The following SLC7A6 variants were observed in gnomAD, a reference collection of about 807,000 sequenced individuals.
The protein encoded by SLC7A6 is Y+L amino acid transporter 2.
SLC7A6 carries 29 observed loss-of-function variants against 46.6 expected under a neutral mutation model. The observed-to-expected ratio is 0.62, with a 90% CI of 0.46 to 0.85. The LOEUF (loss-of-function observed/expected upper bound fraction) is 0.85, where lower values mean the gene tolerates loss of function less well. SLC7A6 is among the 40% of genes least tolerant of loss of function. The probability of loss-of-function intolerance (pLI) is 0.00; values close to 1 mark genes in which losing one functional copy is unlikely to be tolerated. For synonymous variants in SLC7A6, 276 were observed against 257.3 expected (o/e 1.07, Z -0.70); for missense variants, 527 against 647.6 (o/e 0.81, Z 2.02).
rs1377975405 is a variant in SLC7A6 at position 68,287,773 on chromosome 16, A to G, written c.551A>G (p.Tyr184Cys). ...ICLLTFVNCA[Y>C]VKWGTRVQDT... ...CTGCTGACATTTGTGAACTGTGCCT[A>G]TGTCAAGTGGGGCACACGTGTGCAG... Residue 184 changes from tyrosine (Y) to cysteine (C), a missense_variant, in exon 4 of 11, where the codon TAT becomes TGT. Coordinates refer to ENST00000219343, the MANE Select transcript of SLC7A6 (RefSeq NM_003983.6). 1.9e-6 allele frequency: 3 copies of G among 1,614,010 alleles called. No homozygotes were observed. Among genetic ancestry groups the G allele is most frequent in the African/African-American group, 2.7e-5 (2 of 74,936 alleles).
At chr16:68,284,243 T>C (rs1249173659) in intron 3 of SLC7A6, 1 of 152,254 alleles carries the variant, frequency 6.6e-6, no homozygotes, top group Non-Finnish European at 1.5e-5. Context: ...ACAAATTCTT[T>C]TAAAAATTTT....
rs1205197955 is a variant in SLC7A6 at position 68,291,716 on chromosome 16, T to A, written c.1022+55T>A. On this transcript the variant is annotated intron_variant, in intron 7 of 10. Coordinates refer to ENST00000219343, the MANE Select transcript of SLC7A6 (RefSeq NM_003983.6). ...ACCACAATATTTCATTCTCTGGGGC[T>A]TAGGCATAAGAGTTCCTTTTTTCCC... 8 of 1,508,322 alleles carry A rather than the reference T, an allele frequency of 5.3e-6. No individual in the cohort carries two copies. The African/African-American group carries it at 6.9e-5, about 13-fold the overall frequency. 93.4% of individuals were successfully genotyped at this position (1,508,322 alleles called of 1,614,324 possible).
At position 68,296,786 on chromosome 16, in the gene SLC7A6, C is replaced by T. The variant is rs754702092; in HGVS notation, c.1429C>T (p.Pro477Ser). ...MGVYLPESRR[P>S]LFIRNVLAAI... ...TGTTTACCTGCCAGAGTCCCGGAGG[C>T]CATTGTTTATTCGGAATGTCCTGGG... Residue 477 changes from proline (P) to serine (S), a missense_variant, in exon 10 of 11, where the codon CCA becomes TCA. Pro to Ser is a moderately conservative substitution (Grantham distance 74, BLOSUM62 -1). Transcript: ENST00000219343. The T allele has an allele frequency of 7.4e-6, 12 of 1,614,098 alleles. No homozygotes were observed.
chr16:68,282,724 T>C (rs1451771949), intron 3 of SLC7A6, among the ~76,000 whole-genome samples: 1 of 152,056 alleles, frequency 6.6e-6, no homozygotes, highest in Non-Finnish European at 1.5e-5. Context: ...TTCAAGTGAT[T>C]CTCCTGCCTC....
chr16:68,287,918 C>A, intron 4 of SLC7A6, 47 bp downstream of exon 4: 1 of 1,601,476 alleles, frequency 6.2e-7, no homozygotes, highest in South Asian at 1.1e-5. Context: ...TCTGGATTCC[C>A]TGAGGAGAAC....
intron 1 of SLC7A6, among the ~76,000 whole-genome samples, chr16:68,265,188 G>C (rs1337439019): frequency 6.6e-6 from 1 of 152,220 alleles, no homozygotes; most frequent in Non-Finnish European, 1.5e-5. Flanking sequence ...GTGGCGTGCT[G>C]GAGCCTGGAG....
intron 1 of SLC7A6, among the ~76,000 whole-genome samples, chr16:68,265,197 A>G (rs1334312977): frequency 6.6e-6 from 1 of 152,076 alleles, no homozygotes; most frequent in African/African-American, 2.4e-5. Flanking sequence ...TGGAGCCTGG[A>G]GCGTTGGGCT....
At position 68,275,367 on chromosome 16, in the gene SLC7A6, G is replaced by A. The variant is rs966418547; in HGVS notation, c.523+118G>A. On this transcript the variant is annotated intron_variant, in intron 3 of 10. Transcript: ENST00000219343. ...TCCCAGCACTTTGGGAGGCTGAGGC[G>A]GGCGGATCACCTGAGGTTGGGAGTT... The A allele has an allele frequency of 2.2e-5, 29 of 1,289,090 alleles. 1 individual carries two copies. In the African/African-American group the frequency reaches 3.1e-4, roughly 14 times the overall value. The allele number at this position is 1,289,090 out of a possible 1,614,324, so 79.9% of individuals were successfully genotyped here.
intron 3 of SLC7A6, among the ~76,000 whole-genome samples, chr16:68,275,884 T>G (rs2042703530): frequency 6.6e-6 from 1 of 152,124 alleles, no homozygotes; most frequent in African/African-American, 2.4e-5. Flanking sequence ...AAGTCAACAT[T>G]GCTAGTTGTA....
At position 68,274,714 on chromosome 16, in the gene SLC7A6, G is replaced by C. The variant is rs368347026; in HGVS notation, c.-13G>C. 1.2e-6 allele frequency: 2 copies of C among 1,613,624 alleles called. No homozygotes were observed. Among genetic ancestry groups the C allele is most frequent in the African/African-American group, 2.7e-5 (2 of 74,918 alleles). Reference sequence around the variant, plus strand: ...AGGCCACAGCAAACACAGGTGTGCAGGAACCGTTTGTCATGGAAGCCAGGG... The same window carrying C: ...AGGCCACAGCAAACACAGGTGTGCACGAACCGTTTGTCATGGAAGCCAGGG... On this transcript the variant is annotated 5_prime_UTR_variant, in exon 3 of 11. Coordinates refer to ENST00000219343, the MANE Select transcript of SLC7A6 (RefSeq NM_003983.6).
At position 68,300,776 on chromosome 16, in the gene SLC7A6, C is replaced by T; in HGVS notation, c.*3448C>T. On this transcript the variant is annotated 3_prime_UTR_variant, in exon 11 of 11. Coordinates refer to ENST00000219343, the MANE Select transcript of SLC7A6 (RefSeq NM_003983.6). ...CTAAAATCTCCCACTGCTCAGACTACTTTCTGCCCTAATGGCCATTACTAT... is the reference window on the plus strand; with the variant it reads ...CTAAAATCTCCCACTGCTCAGACTATTTTCTGCCCTAATGGCCATTACTAT... The T allele has an allele frequency of 1.0e-6, 1 of 985,552 alleles. No homozygotes were observed. The allele number at this position is 985,552 out of a possible 1,614,324, so 61.1% of individuals were successfully genotyped here. A position where few individuals can be genotyped will look rare whatever the true frequency, so the allele number is the denominator to read the frequency against.
At chr16:68,288,269 A>G (rs1352731322) in intron 4 of SLC7A6, among the ~76,000 whole-genome samples, 1 of 152,158 alleles carries the variant, frequency 6.6e-6, no homozygotes, top group Non-Finnish European at 1.5e-5. Context: ...GGCAGGGTAT[A>G]TGGAGCTGGA....
intron 4 of SLC7A6, among the ~76,000 whole-genome samples, chr16:68,289,456 C>CT (rs1459864404): frequency 6.6e-6 from 1 of 152,178 alleles, no homozygotes; most frequent in Non-Finnish European, 1.5e-5. Flanking sequence ...TAATCCTCCC[C>CT]TGAAGATCTG....
chr16:68,296,737 T>C lies in SLC7A6; in HGVS notation c.1380T>C (p.Ser460=). The C allele has an allele frequency of 6.2e-7, 1 of 1,614,228 alleles. No individual in the cohort carries two copies. The highest frequency in any genetic ancestry group is 8.5e-7 in the Non-Finnish European group (1 of 1,180,044). Residue 460 remains serine (S), a synonymous_variant, in exon 10 of 11, where the codon TCT becomes TCC. Transcript: ENST00000219343. The part of the protein sequence containing the change: ...NSLIGIGIAL[S]GVPFYFMGVY... ...TCATTGGCATCGGGATTGCCCTTTCTGGAGTCCCTTTCTACTTCATGGGTG... is the reference window on the plus strand; with the variant it reads ...TCATTGGCATCGGGATTGCCCTTTCCGGAGTCCCTTTCTACTTCATGGGTG...
Position 68,297,330 on chromosome 16 carries a change from G to C in SLC7A6, c.*2G>C, listed in dbSNP as rs772329272. 16 of 1,613,650 alleles carry C rather than the reference G, an allele frequency of 9.9e-6. No homozygotes were observed. The highest frequency in any genetic ancestry group is 2.2e-5 in the East Asian group (1 of 44,888). On this transcript the variant is annotated 3_prime_UTR_variant, in exon 11 of 11. Coordinates refer to ENST00000219343, the MANE Select transcript of SLC7A6 (RefSeq NM_003983.6). The stretch of plus-strand genomic sequence containing the variant: ...AAGGATGAGAGGAAAACTGACTAGA[G>C]GTCAGAGGTGGCTTTCTGAGGCCTG...
At chr16:68,291,368 C>A in intron 6 of SLC7A6, 36 bp downstream of exon 6, 1 of 1,611,904 alleles carries the variant, frequency 6.2e-7, no homozygotes, top group Non-Finnish European at 8.5e-7. Flanking sequence ...TTCATCATCT[C>A]CTGATACTGA....
chr16:68,291,184 A>G (rs773481631), intron 5 of SLC7A6, 25 bp from the exon 6 acceptor site: 9 of 1,614,030 alleles, frequency 5.6e-6, no homozygotes, highest in African/African-American at 5.3e-5. Context: ...GGTTCTAGGT[A>G]GTCCTTTCTC....
chr16:68,287,534 C>A, intron 3 of SLC7A6: 1 of 1,433,144 alleles, frequency 7.0e-7, no homozygotes, highest in Non-Finnish European at 9.2e-7. Flanking sequence ...CCTTCATATC[C>A]TTGAGCACCA....
At chr16:68,271,071 G>A (rs1442984753) in intron 2 of SLC7A6, among the ~76,000 whole-genome samples, 1 of 151,854 alleles carries the variant, frequency 6.6e-6, no homozygotes, top group African/African-American at 2.4e-5. Context: ...GCTGGTCTCG[G>A]ACTCCTGGGC....
Sources: gnomAD v4.1 joint callset for allele counts (sites outside exome capture counted in the v4.1 genomes callset) on GRCh38, gnomAD v4.1.1 for gene constraint, MANE v1.5 for transcripts, NCBI Gene and HGNC (gene_info 2026-07-23, HGNC 2026-07-21) for gene names.